The following TLE1 variants were observed in gnomAD, a reference collection of about 807,000 sequenced individuals.
TLE1 encodes transducin-like enhancer protein 1.
A neutral mutation model predicts 89.8 loss-of-function variants in TLE1; 21 were observed. That is an observed-to-expected ratio of 0.23 (90% CI 0.17 to 0.34). TLE1 has a LOEUF of 0.34. Ranked by LOEUF, TLE1 falls within the 10% of genes least tolerant of loss-of-function variation. TLE1 has a pLI of 1.00. For synonymous variants in TLE1, 447 were observed against 407.6 expected (o/e 1.10, Z -1.16); for missense variants, 795 against 1,031.2 (o/e 0.77, Z 3.14).
intron 6 of TLE1, among the ~76,000 whole-genome samples, chr9:81,639,048 A>G (rs1308437253): frequency 6.6e-6 from 1 of 151,850 alleles, no homozygotes; most frequent in East Asian, 2.0e-4. Flanking sequence ...TCAGGCTCCT[A>G]AGTACATACT....
Position 81,653,901 on chromosome 9 carries a change from A to G in TLE1, c.297+73T>C. 4 of 1,377,428 alleles carry G rather than the reference A, an allele frequency of 2.9e-6. No homozygotes were observed. In the South Asian group the frequency reaches 4.7e-5, roughly 16 times the overall value. 85.3% of individuals were successfully genotyped at this position (1,377,428 alleles called of 1,614,324 possible). A position where few individuals can be genotyped will look rare whatever the true frequency, so the allele number is the denominator to read the frequency against. On this transcript the variant is annotated intron_variant, in intron 5 of 19. Coordinates refer to ENST00000376499, the MANE Select transcript of TLE1 (RefSeq NM_005077.5). The stretch of plus-strand genomic sequence containing the variant: ...ACTTGTTCCTTGTGATAAAATTAAC[A>G]TCTTAAAACTAGCTAATTTGCAAAC...
Position 81,634,118 on chromosome 9 carries a change from G to T in TLE1, c.556C>A (p.His186Asn). Residue 186 changes from histidine to asparagine, a missense_variant, in exon 7 of 20, where the codon CAC becomes AAC. His to Asn is a moderately conservative substitution (Grantham distance 68). Coordinates refer to ENST00000376499, the MANE Select transcript of TLE1 (RefSeq NM_005077.5). ...HLAIKDDKKH[H>N]DAEHHRDREP... is the part of the protein sequence containing the mutation. ...TCACCTCTGTGGTGCTCTGCATCGT[G>T]GTGCTTCTTGTCATCTTTTATTGCC... 6.2e-7 allele frequency: 1 copy of T among 1,609,126 alleles called. No individual in the cohort carries two copies. The highest frequency in any genetic ancestry group is 8.5e-7 in the Non-Finnish European group (1 of 1,177,426).
chr9:81,600,198 AG>A, intron 14 of TLE1: 1 of 657,328 alleles, frequency 1.5e-6, no homozygotes, highest in Non-Finnish European at 2.8e-6. Context: ...GCTATTTCAA[AG>A]CTAAACTAAA....
In TLE1 at chr9:81,634,208, G is replaced by T; in HGVS notation, c.466C>A (p.Pro156Thr). ...HPSGLQPPGI[P>T]PLGGSAGLLA... ...AGGCCGGCACTGCCCCCGAGGGGCG[G>T]GATTCCAGGAGGCTGAAGTCCCGAA... Residue 156 changes from proline (P) to threonine (T), a missense_variant, in exon 7 of 20, where the codon CCG becomes ACG. By Grantham distance (38) the Pro-to-Thr change is conservative. This residue lies in a region of TLE1 where 468 missense variants were observed against 509.1 expected (regional missense o/e 0.92). Transcript: ENST00000376499. 6.3e-7 allele frequency: 1 copy of T among 1,590,578 alleles called. No homozygotes were observed. Among genetic ancestry groups the T allele is most frequent in the Non-Finnish European group, 8.6e-7 (1 of 1,166,718 alleles).
At chr9:81,602,196 G>T (rs1423974002) in intron 14 of TLE1, among the ~76,000 whole-genome samples, 1 of 152,124 alleles carries the variant, frequency 6.6e-6, no homozygotes, top group African/African-American at 2.4e-5. Flanking sequence ...AGTCATCAGG[G>T]AACAGAGGCT....
At chr9:81,671,804 AG>A (rs1832265112) in intron 4 of TLE1, among the ~76,000 whole-genome samples, 1 of 152,324 alleles carries the variant, frequency 6.6e-6, no homozygotes, top group African/African-American at 2.4e-5. Context: ...TTCAAATGTC[AG>A]CAGTTCCCCT....
intron 6 of TLE1, among the ~76,000 whole-genome samples, chr9:81,647,692 T>C (rs528465751): frequency 5.3e-5 from 8 of 152,290 alleles, no homozygotes; most frequent in African/African-American, 1.9e-4. Context: ...AGGTAGACGG[T>C]ATTACCATCT....
At chr9:81,675,746 G>A (rs1313480185) in intron 4 of TLE1, among the ~76,000 whole-genome samples, 6 of 134,866 alleles carry the variant, frequency 4.4e-5, no homozygotes, top group African/African-American at 8.9e-5. Flanking sequence ...CTGTCGCCAG[G>A]CTGGAGTGCA....
rs1427125047 is a variant in TLE1, at chr9:81,597,791, A to T, written c.1332-4517T>A. On this transcript the variant is annotated intron_variant, in intron 14 of 19. Coordinates refer to ENST00000376499, the MANE Select transcript of TLE1 (RefSeq NM_005077.5). Reference sequence around the variant, plus strand: ...GCAAGGGGCTTTTCATTTACTGGGCACACAGCAGAGGTGAAGGAACTAAAA... The same window carrying T: ...GCAAGGGGCTTTTCATTTACTGGGCTCACAGCAGAGGTGAAGGAACTAAAA... 5.9e-5 allele frequency among the ~76,000 whole-genome samples: 9 copies of T among 152,228 alleles called. No homozygotes were observed. The East Asian group carries it at 1.3e-3, about 23-fold the overall frequency.
intron 17 of TLE1, among the ~76,000 whole-genome samples, chr9:81,586,022 T>A (rs1265896388): frequency 6.6e-6 from 1 of 150,378 alleles, no homozygotes; most frequent in Non-Finnish European, 1.5e-5. Flanking sequence ...GGTGACTTTT[T>A]TTTTTTTTTT....
intron 12 of TLE1, 95 bp from the exon 13 acceptor site, chr9:81,612,054 G>C (rs1823785241): frequency 9.9e-7 from 1 of 1,010,430 alleles, no homozygotes; most frequent in Admixed American, 3.7e-5. Context: ...TGTCACTCAT[G>C]GGGAGAGAGA....
chr9:81,584,576 T>C (rs1564096976), intron 18 of TLE1, 52 bp from the exon 19 acceptor site: 13 of 1,554,216 alleles, frequency 8.4e-6, no homozygotes, highest in South Asian at 1.1e-5. Flanking sequence ...ATTCCTACTA[T>C]ACAATTAGCA....
chr9:81,592,352 C>T (rs767344041), intron 15 of TLE1, among the ~76,000 whole-genome samples: 8 of 152,220 alleles, frequency 5.3e-5, no homozygotes, highest in East Asian at 1.9e-4. Context: ...AGCAAGACTC[C>T]GTCTCAAAGA....
chr9:81,622,329 C>T (rs181140962), intron 8 of TLE1, among the ~76,000 whole-genome samples: 94 of 152,322 alleles, frequency 6.2e-4, no homozygotes, highest in Non-Finnish European at 9.7e-4. Context: ...GCTGGGTGTG[C>T]TGACCAGTTT....
chr9:81,657,130 CTA>C lies in TLE1; in HGVS notation c.235-3096_235-3095del, dbSNP rs576479924. 1.1e-4 allele frequency among the ~76,000 whole-genome samples: 17 copies of C among 152,324 alleles called. No individual in the cohort carries two copies. The South Asian group carries it at 2.9e-3, about 26-fold the overall frequency. ...CTTTTCATGTATTTATTGCTCCACT[CTA>C]TGTTTCCTTTCTCCATTCTTCCATT... On this transcript the variant is annotated intron_variant, in intron 4 of 19. Transcript: ENST00000376499.
intron 14 of TLE1, among the ~76,000 whole-genome samples, chr9:81,602,719 C>T (rs1037707608): frequency 1.3e-4 from 19 of 151,958 alleles, no homozygotes; most frequent in Non-Finnish European, 2.6e-4. Flanking sequence ...AAGTGCTTTA[C>T]AATAAAGAAT....
chr9:81,656,321 G>A (rs1188860098), intron 4 of TLE1, among the ~76,000 whole-genome samples: 1 of 152,154 alleles, frequency 6.6e-6, no homozygotes, highest in Non-Finnish European at 1.5e-5. Flanking sequence ...TAAAGGAGTA[G>A]AGATGCCTTT....
chr9:81,633,226 G>GAGAC, intron 8 of TLE1, 122 bp downstream of exon 8: 4 of 1,474,270 alleles, frequency 2.7e-6, no homozygotes, highest in Admixed American at 2.0e-5. Flanking sequence ...GTCACTGAGA[G>GAGAC]AGACAGGGAG....
At chr9:81,649,902 C>A (rs1176062102) in intron 6 of TLE1, among the ~76,000 whole-genome samples, 2 of 152,200 alleles carry the variant, frequency 1.3e-5, no homozygotes, top group Admixed American at 1.3e-4. Flanking sequence ...TATGCCACAG[C>A]ATGAAACTTA....
Sources: allele counts gnomAD v4.1 joint callset (sites outside exome capture counted in the v4.1 genomes callset), GRCh38; gene constraint gnomAD v4.1.1; regional missense constraint gnomAD v4.1.1; transcripts MANE v1.5; gene names NCBI Gene and HGNC (gene_info 2026-07-23, HGNC 2026-07-21).